NCKAP5: variants seen among roughly 807,000 people sequenced by gnomAD.
NCKAP5 encodes the protein NCK associated protein 5, also known as nck-associated protein 5.
Under a neutral mutation model 167.0 loss-of-function variants are expected in NCKAP5, and 92 were observed. That is an observed-to-expected ratio of 0.55 (90% confidence interval 0.47 to 0.66). The LOEUF (loss-of-function observed/expected upper bound fraction) is 0.66, where lower values mean the gene tolerates loss of function less well. Ranked by LOEUF, NCKAP5 falls within the 30% of genes least tolerant of loss-of-function variation. The pLI, the probability that NCKAP5 is intolerant of heterozygous loss-of-function variation, is 0.00. For synonymous variants in NCKAP5, 891 were observed against 877.4 expected, an observed-to-expected ratio of 1.02 and a Z score of -0.27; for missense variants, 2,378 against 2,315.0, an observed-to-expected ratio of 1.03 and a Z score of -0.56.
the NCKAP5 span, among the ~76,000 whole-genome samples, chr2:133,584,975 A>AAGGAAGGAAGGG: frequency 6.7e-6 from 1 of 150,340 alleles, no homozygotes; most frequent in East Asian, 2.0e-4. Flanking sequence ...GGAAGGAAGG[A>AAGGAAGGAAGGG]AGGAAGGAAG....
At chr2:133,192,980 A>C (rs1207600279) in intron 5 of NCKAP5, among the ~76,000 whole-genome samples, 2 of 152,134 alleles carry the variant, frequency 1.3e-5, no homozygotes, top group Non-Finnish European at 2.9e-5. Flanking sequence ...ATAAAGCCCC[A>C]AACTGAAAAC....
intron 6 of NCKAP5, among the ~76,000 whole-genome samples, chr2:133,036,415 C>A (rs1316371191): frequency 2.0e-5 from 3 of 151,922 alleles, no homozygotes; most frequent in African/African-American, 7.2e-5. Flanking sequence ...ATGCAAAAAT[C>A]CTTAACAAAT....
At chr2:132,848,376 A>T (rs1230768258) in intron 11 of NCKAP5, among the ~76,000 whole-genome samples, 1 of 152,198 alleles carries the variant, frequency 6.6e-6, no homozygotes, top group Non-Finnish European at 1.5e-5. Context: ...CTGCTGCAAC[A>T]TTAATGATAA....
chr2:133,098,809 T>C (rs1398867283), intron 6 of NCKAP5, among the ~76,000 whole-genome samples: 4 of 152,224 alleles, frequency 2.6e-5, no homozygotes, highest in Admixed American at 6.5e-5. Flanking sequence ...AAACACATTA[T>C]TAGTTTTAGA....
intron 19 of NCKAP5, among the ~76,000 whole-genome samples, chr2:132,692,148 T>G (rs547961129): frequency 7.2e-6 from 1 of 138,414 alleles, no homozygotes; most frequent in Non-Finnish European, 1.5e-5. Flanking sequence ...TATTTTATTT[T>G]ATTTTATTTT....
intron 3 of NCKAP5, among the ~76,000 whole-genome samples, chr2:133,439,024 G>A (rs1000067909): frequency 6.6e-6 from 1 of 152,188 alleles, no homozygotes; most frequent in Non-Finnish European, 1.5e-5. Flanking sequence ...GTTTGATCTT[G>A]TTACAATTTC....
intron 5 of NCKAP5, among the ~76,000 whole-genome samples, chr2:133,155,549 A>C (rs1179143333): frequency 6.6e-6 from 1 of 152,206 alleles, no homozygotes; most frequent in African/African-American, 2.4e-5. Flanking sequence ...TGTGGTGATT[A>C]ATGTTATGTG....
intron 5 of NCKAP5, among the ~76,000 whole-genome samples, chr2:133,173,036 C>T (rs756760096): frequency 3.9e-5 from 6 of 152,010 alleles, no homozygotes; most frequent in Non-Finnish European, 8.8e-5. Context: ...ACTGTGCTGT[C>T]AGGCAGAAGG....
intron 3 of NCKAP5, among the ~76,000 whole-genome samples, chr2:133,402,222 C>G (rs181310153): frequency 3.1e-4 from 47 of 152,224 alleles, no homozygotes; most frequent in African/African-American, 1.1e-3. Flanking sequence ...AAGACAAGCA[C>G]TGTGCACTCA....
chr2:133,120,449 T>C (rs1384436138), intron 6 of NCKAP5, among the ~76,000 whole-genome samples: 2 of 152,222 alleles, frequency 1.3e-5, no homozygotes, highest in East Asian at 3.8e-4. Flanking sequence ...GCACTGCCTA[T>C]GGACCATAAA....
At chr2:133,616,239 G>C in the NCKAP5 span, among the ~76,000 whole-genome samples, 3 of 145,994 alleles carry the variant, frequency 2.1e-5, no homozygotes, top group Admixed American at 6.8e-5. Flanking sequence ...ACAATTAAAA[G>C]AACTAGAAAA....
At chr2:133,606,139 C>CA in the NCKAP5 span, among the ~76,000 whole-genome samples, 85,874 of 151,730 alleles carry the variant, frequency 0.57, 24,487 homozygotes, top group East Asian at 0.65. Flanking sequence ...AATAGAACTT[C>CA]AAAAAAAATT....
At chr2:133,605,172 A>C in the NCKAP5 span, among the ~76,000 whole-genome samples, 5 of 152,260 alleles carry the variant, frequency 3.3e-5, no homozygotes, top group South Asian at 1.0e-3. Flanking sequence ...AATAAGCTGG[A>C]CTTGTGATCT....
At chr2:132,980,002 T>C (rs1039696432) in intron 7 of NCKAP5, among the ~76,000 whole-genome samples, 22 of 150,266 alleles carry the variant, frequency 1.5e-4, no homozygotes, top group Admixed American at 1.4e-3. Context: ...TTTTCTTTTT[T>C]TTTTTTTTTG....
rs984027057 is a variant in NCKAP5, at chr2:133,000,686, C to A, written c.342-6447G>T. ...CCCTAGTTTAAATCCTAACCCTAGT[C>A]TCTTATGATGGATTTCTAAAATTTT... On this transcript the variant is annotated intron_variant, in intron 6 of 19. Transcript: ENST00000409261. Among the ~76,000 whole-genome samples, 5 of 152,128 alleles carry A rather than the reference C, an allele frequency of 3.3e-5. No homozygotes were observed. In the East Asian group the frequency reaches 5.8e-4, roughly 18 times the overall value.
intron 3 of NCKAP5, among the ~76,000 whole-genome samples, chr2:133,336,646 A>G (rs1683225899): frequency 6.6e-6 from 1 of 152,224 alleles, no homozygotes. Context: ...GAAAGGAAGA[A>G]CCAAATTTGG....
chr2:133,105,025 C>G (rs774291214), intron 6 of NCKAP5, among the ~76,000 whole-genome samples: 6 of 152,214 alleles, frequency 3.9e-5, no homozygotes, highest in Admixed American at 6.5e-5. Flanking sequence ...CAGGCCTCCT[C>G]CTTTGGGGTA....
chr2:132,793,946 C>T (rs983069313), intron 12 of NCKAP5, among the ~76,000 whole-genome samples: 2 of 151,886 alleles, frequency 1.3e-5, no homozygotes, highest in Admixed American at 1.3e-4. Flanking sequence ...ATGTGATTAT[C>T]ACATAGGATT....
At chr2:132,961,827 C>T (rs1486684575) in intron 8 of NCKAP5, among the ~76,000 whole-genome samples, 1 of 152,202 alleles carries the variant, frequency 6.6e-6, no homozygotes, top group African/African-American at 2.4e-5. Context: ...TTTAAGTACA[C>T]TGTTCTCTGG....
Sources: gnomAD v4.1 joint callset for allele counts (sites outside exome capture counted in the v4.1 genomes callset) on GRCh38, gnomAD v4.1.1 for gene constraint, MANE v1.5 for transcripts, NCBI Gene and HGNC (gene_info 2026-07-23, HGNC 2026-07-21) for gene names.